The following NUBPL variants were observed in gnomAD, a reference collection of about 807,000 sequenced individuals.
NUBPL encodes the protein NUBP iron-sulfur cluster assembly factor, mitochondrial, also known as iron-sulfur cluster transfer protein NUBPL.
A neutral mutation model predicts 45.7 loss-of-function variants in NUBPL; 31 were observed. The ratio of observed to expected loss-of-function variants is 0.68; its 90% CI spans 0.51 to 0.92. NUBPL has a LOEUF of 0.92. NUBPL is among the 40% of genes least tolerant of loss of function. The pLI is 0.00. For missense variants in NUBPL, 401 were observed against 398.7 expected (o/e 1.01, Z -0.05); for synonymous variants, 144 against 140.9 (o/e 1.02, Z -0.15).
intron 4 of NUBPL, among the ~76,000 whole-genome samples, chr14:31,637,249 T>C (rs1398408903): frequency 6.6e-6 from 1 of 152,202 alleles, no homozygotes; most frequent in East Asian, 1.9e-4. Flanking sequence ...TCCCTCTACA[T>C]ACTGCTTTGA....
chr14:31,705,361 C>T (rs557742793), intron 6 of NUBPL, among the ~76,000 whole-genome samples: 4 of 152,182 alleles, frequency 2.6e-5, no homozygotes, highest in Non-Finnish European at 5.9e-5. Context: ...AGCGGGTCGC[C>T]GGCTGCTGGC....
chr14:31,600,013 C>T (rs1409557924), intron 4 of NUBPL, among the ~76,000 whole-genome samples: 1 of 150,122 alleles, frequency 6.7e-6, no homozygotes, highest in African/African-American at 2.5e-5. Flanking sequence ...CCTCTGCCTC[C>T]TGGGTTCAAG....
In NUBPL at chr14:31,613,123, G is replaced by A. The variant is rs539699462; in HGVS notation, c.382+13744G>A. ...GTACTAGTCAGCCATAAAAAGGAACGAGATCCTGTTATTTGCAACAACATG... is the reference window on the plus strand; with the variant it reads ...GTACTAGTCAGCCATAAAAAGGAACAAGATCCTGTTATTTGCAACAACATG... On this transcript the variant is annotated intron_variant, in intron 4 of 10. Transcript: ENST00000281081. Among the ~76,000 whole-genome samples the A allele has an allele frequency of 8.5e-5, 13 of 152,146 alleles. No homozygotes were observed. The South Asian group carries it at 2.3e-3, about 27-fold the overall frequency.
intron 6 of NUBPL, among the ~76,000 whole-genome samples, chr14:31,768,217 G>A (rs866969162): frequency 2.6e-5 from 4 of 152,180 alleles, no homozygotes; most frequent in Admixed American, 1.3e-4. Flanking sequence ...AGCCTATCAA[G>A]CAATAGGGCA....
chr14:31,640,486 A>G (rs767868633), intron 4 of NUBPL, among the ~76,000 whole-genome samples: 2 of 151,926 alleles, frequency 1.3e-5, no homozygotes, highest in Non-Finnish European at 2.9e-5. Flanking sequence ...ATGGTGGTGA[A>G]TACCTGTAAT....
chr14:31,661,779 A>G (rs1160276969), intron 4 of NUBPL, among the ~76,000 whole-genome samples: 4 of 152,164 alleles, frequency 2.6e-5, no homozygotes, highest in Non-Finnish European at 5.9e-5. Flanking sequence ...TGACCTCGTG[A>G]TCCACCTGCC....
chr14:31,788,268 C>T (rs568221821), intron 7 of NUBPL, among the ~76,000 whole-genome samples: 2 of 152,288 alleles, frequency 1.3e-5, no homozygotes, highest in East Asian at 1.9e-4. Flanking sequence ...AGACAGTATG[C>T]TCTGAAAGAG....
chr14:31,602,820 A>G (rs1192071097), intron 4 of NUBPL, among the ~76,000 whole-genome samples: 3 of 152,124 alleles, frequency 2.0e-5, no homozygotes, highest in Admixed American at 2.0e-4. Context: ...GATGAAAATT[A>G]TTTTCTCTGA....
chr14:31,813,740 G>C (rs2039862012), intron 7 of NUBPL, among the ~76,000 whole-genome samples: 2 of 152,062 alleles, frequency 1.3e-5, no homozygotes, highest in African/African-American at 4.8e-5. Context: ...CTATGTCCAT[G>C]TTTTCTCTTT....
At chr14:31,755,967 A>G (rs1595586767) in intron 6 of NUBPL, among the ~76,000 whole-genome samples, 1 of 152,208 alleles carries the variant, frequency 6.6e-6, no homozygotes, top group East Asian at 1.9e-4. Flanking sequence ...TCCTTTCCCC[A>G]TTGCTTATTT....
At chr14:31,628,636 G>C (rs1008999935) in intron 4 of NUBPL, among the ~76,000 whole-genome samples, 1 of 150,534 alleles carries the variant, frequency 6.6e-6, no homozygotes, top group South Asian at 2.1e-4. Flanking sequence ...TTTTTTTTCT[G>C]TTCATCCTTT....
intron 4 of NUBPL, among the ~76,000 whole-genome samples, chr14:31,643,956 A>G (rs745921589): frequency 2.3e-4 from 35 of 151,844 alleles, no homozygotes; most frequent in Non-Finnish European, 3.2e-4. Flanking sequence ...ATTTTAAATG[A>G]TTCTTTGTAT....
At chr14:31,736,924 C>A (rs776934227) in intron 6 of NUBPL, among the ~76,000 whole-genome samples, 21 of 152,170 alleles carry the variant, frequency 1.4e-4, no homozygotes, top group Non-Finnish European at 3.1e-4. Context: ...TTTAAAAATG[C>A]ATCTCCCTGT....
intron 4 of NUBPL, among the ~76,000 whole-genome samples, chr14:31,620,196 G>T (rs1045086675): frequency 6.6e-6 from 1 of 151,780 alleles, no homozygotes; most frequent in African/African-American, 2.4e-5. Context: ...TTTTTTCAAG[G>T]TTCTTAGCTT....
At chr14:31,620,941 C>T (rs899035935) in intron 4 of NUBPL, among the ~76,000 whole-genome samples, 8 of 152,330 alleles carry the variant, frequency 5.3e-5, no homozygotes, top group Non-Finnish European at 7.3e-5. Flanking sequence ...CTATAAGTCC[C>T]TGACTGGGGC....
chr14:31,840,839 A>C (rs563703656), intron 8 of NUBPL, among the ~76,000 whole-genome samples: 1 of 152,170 alleles, frequency 6.6e-6, no homozygotes, highest in East Asian at 1.9e-4. Flanking sequence ...CATCCTAAAA[A>C]CTCCTGCCTG....
At chr14:31,614,100 A>G (rs2034835180) in intron 4 of NUBPL, among the ~76,000 whole-genome samples, 1 of 152,154 alleles carries the variant, frequency 6.6e-6, no homozygotes, top group Non-Finnish European at 1.5e-5. Flanking sequence ...GGGATATGTA[A>G]TGCTGGTCAG....
intron 3 of NUBPL, among the ~76,000 whole-genome samples, chr14:31,569,693 T>G (rs1227817106): frequency 6.6e-6 from 1 of 152,196 alleles, no homozygotes; most frequent in African/African-American, 2.4e-5. Context: ...GACAGCTGAT[T>G]GTTAAATTTT....
At chr14:31,700,653 C>T (rs1232441708) in intron 6 of NUBPL, among the ~76,000 whole-genome samples, 1 of 148,916 alleles carries the variant, frequency 6.7e-6, no homozygotes, top group African/African-American at 2.6e-5. Flanking sequence ...CCGGCCAGTG[C>T]CACTGGCCCC....
Sources: allele counts gnomAD v4.1 joint callset (sites outside exome capture counted in the v4.1 genomes callset), GRCh38; gene constraint gnomAD v4.1.1; transcripts MANE v1.5; gene names NCBI Gene and HGNC (gene_info 2026-07-23, HGNC 2026-07-21).